PNN: variants seen among roughly 807,000 people sequenced by gnomAD.
PNN encodes the protein pinin.
A neutral mutation model predicts 76.6 loss-of-function variants in PNN; 38 were observed. The ratio of observed to expected loss-of-function variants is 0.50; its 90% confidence interval spans 0.38 to 0.65. The LOEUF is 0.65. Among genes scored for constraint, PNN ranks in the 30% least tolerant of loss-of-function variants. PNN has a pLI of 0.00. For synonymous variants in PNN, 366 were observed against 283.7 expected, an observed-to-expected ratio of 1.29 and a Z score of -2.91; for missense variants, 873 against 874.1, an observed-to-expected ratio of 1.00 and a Z score of 0.02.
rs1367587550 is a variant in PNN, at chr14:39,182,774, G to A, written c.*911G>A. On this transcript the variant is annotated 3_prime_UTR_variant, in exon 9 of 9. Transcript: ENST00000216832. ...AATTTTGTTTAAGGAAGTATTGTAT[G>A]GAAGTCCACAAAATGAAGGAAGTTC... 6.6e-6 allele frequency: 1 copy of A among 152,620 alleles called. No individual in the cohort carries two copies. Among genetic ancestry groups the A allele is most frequent in the Admixed American group, 6.5e-5 (1 of 15,270 alleles). The allele number at this position is 152,620 out of a possible 1,614,324, so 9.5% of individuals were successfully genotyped here. A position where few individuals can be genotyped will look rare whatever the true frequency, so the allele number is the denominator to read the frequency against.
chr14:39,176,096 G>A lies in PNN; in HGVS notation c.132G>A (p.Leu44=). 2 of 1,607,820 alleles carry A rather than the reference G, an allele frequency of 1.2e-6. No homozygotes were observed. The highest frequency in any genetic ancestry group is 1.7e-6 in the Non-Finnish European group (2 of 1,174,236). Residue 44 remains leucine, a synonymous_variant, in exon 2 of 9, where the codon TTG becomes TTA. Coordinates refer to ENST00000216832, the MANE Select transcript of PNN (RefSeq NM_002687.4). The part of the protein sequence containing the change: ...PNDVRPIQAR[L]LALSGPGGGR... ...TTTACAGGCCCATCCAAGCCAGATT[G>A]CTGGCCCTTTCTGGTCCTGGTGGAG...
At chr14:39,178,034 G>A in intron 6 of PNN, 118 bp downstream of exon 6, 1 of 722,618 alleles carries the variant, frequency 1.4e-6, no homozygotes, top group African/African-American at 1.8e-5. Context: ...CTGAAACAAA[G>A]CCAAGTAAAA....
At chr14:39,176,241 C>G (rs926221810) in intron 2 of PNN, 92 bp downstream of exon 2, 1 of 773,504 alleles carries the variant, frequency 1.3e-6, no homozygotes, top group African/African-American at 1.7e-5. Flanking sequence ...AAATCAATAA[C>G]CCAGTGTTTG....
At chr14:39,175,444 G>T (rs1452785627) in intron 1 of PNN, 52 bp downstream of exon 1, 6 of 1,150,572 alleles carry the variant, frequency 5.2e-6, no homozygotes, top group Non-Finnish European at 7.8e-6. Flanking sequence ...GCAGCCCTCA[G>T]GTCGGGGTGA....
chr14:39,175,490 C>A (rs2053212888), intron 1 of PNN, 98 bp downstream of exon 1: 1 of 766,202 alleles, frequency 1.3e-6, no homozygotes, highest in African/African-American at 1.7e-5. Context: ...CTTAAGAAGA[C>A]TGGAACCTCG....
chr14:39,179,554 C>A, intron 8 of PNN, 92 bp downstream of exon 8: 4 of 1,093,804 alleles, frequency 3.7e-6, no homozygotes, highest in African/African-American at 1.6e-5. Flanking sequence ...AATTATGATT[C>A]AGTGATTGGT....
At chr14:39,180,222 G>A (rs2139403422) in intron 8 of PNN, among the ~76,000 whole-genome samples, 1 of 152,236 alleles carries the variant, frequency 6.6e-6, no homozygotes. Flanking sequence ...TTTTACAGAA[G>A]TTTTATTTTT....
Position 39,180,827 on chromosome 14 carries a change from G to A in PNN, c.1118G>A (p.Arg373Lys). ...AAGATGGAGGAGGAAACTGAGGTAA[G>A]GGAAAGTGAGAAGCAGCAGGATAGT... ...EVKMEEETEV[R>K]ESEKQQDSQP... is the part of the protein sequence containing the mutation. Residue 373 changes from arginine to lysine, a missense_variant, in exon 9 of 9, where the codon AGG (arginine) becomes AAG (lysine). Coordinates refer to ENST00000216832, the MANE Select transcript of PNN (RefSeq NM_002687.4). 1 of 1,613,992 alleles carries A rather than the reference G, an allele frequency of 6.2e-7. No individual in the cohort carries two copies. Among genetic ancestry groups the A allele is most frequent in the African/African-American group, 1.3e-5 (1 of 75,026 alleles).
At chr14:39,178,661 C>T (rs1038097774) in intron 6 of PNN, among the ~76,000 whole-genome samples, 2 of 150,732 alleles carry the variant, frequency 1.3e-5, no homozygotes, top group Middle Eastern at 3.4e-3. Context: ...ACCTCAGCCT[C>T]CCAGAGTGCT....
Position 39,180,994 on chromosome 14 carries a change from A to G in PNN, c.1285A>G (p.Met429Val). ...NEASKELEPE[M>V]EFEIEPDKEC... is the part of the protein sequence containing the mutation. ...AGCTAGCAAAGAATTGGAACCAGAAATGGAATTTGAAATTGAGCCAGATAA... is the reference window on the plus strand; with the variant it reads ...AGCTAGCAAAGAATTGGAACCAGAAGTGGAATTTGAAATTGAGCCAGATAA... Residue 429 changes from methionine (M) to valine (V), a missense_variant, in exon 9 of 9, where the codon ATG (methionine) becomes GTG (valine). Physicochemically the swap from Met to Val is conservative, Grantham distance 21. Transcript: ENST00000216832. 1 of 1,613,500 alleles carries G rather than the reference A, an allele frequency of 6.2e-7. No homozygotes were observed.
chr14:39,179,419 A>G lies in PNN; in HGVS notation c.750A>G (p.Pro250=). Residue 250 remains proline, a synonymous_variant, in exon 8 of 9, where the codon CCA becomes CCG. Coordinates refer to ENST00000216832, the MANE Select transcript of PNN (RefSeq NM_002687.4). ...HLFYIPGRMC[P]ATQKLIEESQ... ...TTTATATTCCTGGAAGAATGTGTCCAGCTACCCAAAAACTAATAGAAGAGT... is the reference window on the plus strand; with the variant it reads ...TTTATATTCCTGGAAGAATGTGTCCGGCTACCCAAAAACTAATAGAAGAGT... 6.2e-7 allele frequency: 1 copy of G among 1,613,338 alleles called. No individual in the cohort carries two copies. The highest frequency in any genetic ancestry group is 8.5e-7 in the Non-Finnish European group (1 of 1,179,384).
rs1267085435 is a variant in PNN, at chr14:39,175,313, C to G, written c.34C>G (p.Leu12Val). The G allele has an allele frequency of 1.9e-6, 3 of 1,610,280 alleles. No individual in the cohort carries two copies. The African/African-American group carries it at 4.0e-5, about 22-fold the overall frequency. Reference protein sequence around the residue: ...AVAVRTLQEQLEKAKESLKNV... With the variant: ...AVAVRTLQEQVEKAKESLKNV... ...CGCCGTGAGAACTTTGCAGGAACAG[C>G]TGGAAAAGGCCAAAGAGAGTCTTAA... The change falls in exon 1 of 9, where the codon CTG becomes GTG. Residue 12 changes from leucine (L) to valine (V), a missense_variant. This residue lies in a region of PNN where 156 missense variants were observed against 161.7 expected (regional missense o/e 0.96). Coordinates refer to ENST00000216832, the MANE Select transcript of PNN (RefSeq NM_002687.4).
rs1594558706 is a variant in PNN at position 39,182,871 on chromosome 14, A to G, written c.*1008A>G. On this transcript the variant is annotated 3_prime_UTR_variant, in exon 9 of 9. Coordinates refer to ENST00000216832, the MANE Select transcript of PNN (RefSeq NM_002687.4). Reference sequence around the variant, plus strand: ...TGATTATTAACTTTGTTGTTTTACAAATTTGTATGAACTTGGAGTATCTGT... The same window carrying G: ...TGATTATTAACTTTGTTGTTTTACAGATTTGTATGAACTTGGAGTATCTGT... 6.6e-6 allele frequency: 1 copy of G among 152,656 alleles called. No homozygotes were observed. Among genetic ancestry groups the G allele is most frequent in the Non-Finnish European group, 1.5e-5 (1 of 68,038 alleles). 9.5% of individuals were successfully genotyped at this position (152,656 alleles called of 1,614,324 possible). A position where few individuals can be genotyped will look rare whatever the true frequency, so the allele number is the denominator to read the frequency against.
chr14:39,176,263 T>G (rs2053223079), intron 2 of PNN, 114 bp downstream of exon 2: 1 of 687,430 alleles, frequency 1.5e-6, no homozygotes, highest in African/African-American at 1.8e-5. Flanking sequence ...CGTCTTTGTT[T>G]TGTTTAATGT....
rs891553359 is a variant in PNN at position 39,181,800 on chromosome 14, A to G, written c.2091A>G (p.Ser697=). 2 of 1,611,602 alleles carry G rather than the reference A, an allele frequency of 1.2e-6. No individual in the cohort carries two copies. Among genetic ancestry groups the G allele is most frequent in the African/African-American group, 1.3e-5 (1 of 74,834 alleles). The part of the protein sequence containing the change: ...RKRSISESSR[S]GKRSSRSERD... ...GGTCTATATCAGAGAGTAGTCGATC[A>G]GGCAAAAGATCTTCAAGAAGTGAAA... is the stretch of plus-strand genomic sequence containing the variant. Residue 697 remains serine (S), a synonymous_variant, in exon 9 of 9, where the codon TCA becomes TCG. Coordinates refer to ENST00000216832, the MANE Select transcript of PNN (RefSeq NM_002687.4).
chr14:39,178,742 AAAAAT>A (rs1289877837), intron 6 of PNN, among the ~76,000 whole-genome samples: 3 of 147,060 alleles, frequency 2.0e-5, no homozygotes, highest in African/African-American at 8.1e-5. Flanking sequence ...AAAAAAAAAA[AAAAAT>A]TTTTTTTGAG....
intron 6 of PNN, among the ~76,000 whole-genome samples, chr14:39,178,723 T>TGAA (rs1555338055): frequency 1.0e-5 from 1 of 99,190 alleles, no homozygotes; most frequent in Admixed American, 1.1e-4. Flanking sequence ...CTTTACATAG[T>TGAA]GAAAAAAAAA....
chr14:39,179,307 C>T lies in PNN; in HGVS notation c.655-17C>T, dbSNP rs761968359. Reference sequence around the variant, plus strand: ...CTTTGTGTTTACAAAAGCACTGACCCTTTACCTTTTCTTTAGCAAGAAGAA... The same window carrying T: ...CTTTGTGTTTACAAAAGCACTGACCTTTTACCTTTTCTTTAGCAAGAAGAA... On this transcript the variant is annotated splice_polypyrimidine_tract_variant and intron_variant, in intron 7 of 8. Transcript: ENST00000216832. 1.2e-6 allele frequency: 2 copies of T among 1,609,674 alleles called. No homozygotes were observed.
chr14:39,181,634 G>A lies in PNN; in HGVS notation c.1925G>A (p.Arg642Lys). 6.2e-7 allele frequency: 1 copy of A among 1,614,056 alleles called. No individual in the cohort carries two copies. The highest frequency in any genetic ancestry group is 8.5e-7 in the Non-Finnish European group (1 of 1,179,930). Residue 642 changes from arginine to lysine, a missense_variant, in exon 9 of 9, where the codon AGA becomes AAA. Around this residue, in one of 3 missense-constraint regions of PNN, gnomAD observed 712 missense variants for 693.1 expected, o/e 1.03. Transcript: ENST00000216832. ...RSRSRGRGHN[R>K]DRKHRRSVDR... ...CGGAGTAGGGGCCGGGGACATAATA[G>A]AGATAGAAAGCACAGAAGGAGCGTG... is the stretch of plus-strand genomic sequence containing the variant.
Sources: gnomAD v4.1 joint callset for allele counts (sites outside exome capture counted in the v4.1 genomes callset) on GRCh38, gnomAD v4.1.1 for gene constraint, gnomAD v4.1.1 regional missense constraint, MANE v1.5 for transcripts, NCBI Gene and HGNC (gene_info 2026-07-23, HGNC 2026-07-21) for gene names.